The following LRRIQ1 variants were observed in gnomAD, a reference collection of about 807,000 sequenced individuals.
LRRIQ1 encodes leucine rich repeats and IQ motif containing 1.
A neutral mutation model predicts 211.9 loss-of-function variants in LRRIQ1; 210 were observed. That is an observed-to-expected ratio of 0.99 (90% CI 0.89 to 1.11). LRRIQ1 has a LOEUF of 1.11. Among genes scored for constraint, LRRIQ1 ranks in the 50% most tolerant of loss-of-function variants. LRRIQ1 has a pLI of 0.00. For synonymous variants in LRRIQ1, 699 were observed against 650.1 expected, an observed-to-expected ratio of 1.08 and a Z score of -1.14; for missense variants, 2,136 against 1,939.5, an observed-to-expected ratio of 1.10 and a Z score of -1.90.
intron 8 of LRRIQ1, among the ~76,000 whole-genome samples, chr12:85,061,049 T>G (rs1881736085): frequency 6.6e-6 from 1 of 151,876 alleles, no homozygotes. Context: ...TTTCAAATGT[T>G]TTTACATAAT....
chr12:85,086,433 C>T (rs1038157138), intron 11 of LRRIQ1, among the ~76,000 whole-genome samples: 1 of 152,032 alleles, frequency 6.6e-6, no homozygotes, highest in African/African-American at 2.4e-5. Flanking sequence ...TTGTCACTTG[C>T]TCCTGCTTTT....
At chr12:85,092,947 CT>C (rs1885538239) in intron 11 of LRRIQ1, among the ~76,000 whole-genome samples, 1 of 152,156 alleles carries the variant, frequency 6.6e-6, no homozygotes, top group South Asian at 2.1e-4. Flanking sequence ...ACATGTTCCT[CT>C]TTTGGCTAGC....
Position 85,106,582 on chromosome 12 carries a change from C to G in LRRIQ1, c.3344C>G (p.Thr1115Ser), listed in dbSNP as rs1390995626. 6 of 1,612,454 alleles carry G rather than the reference C, an allele frequency of 3.7e-6. No homozygotes were observed. In the East Asian group the frequency reaches 8.9e-5, roughly 24 times the overall value. ...ACYSLHELSL[T>S]GNPLLQETNW... ...TATTCTCTCCATGAATTGTCTCTTACTGGAAACCCACTTCTTCAAGAAACA... is the reference window on the plus strand; with the variant it reads ...TATTCTCTCCATGAATTGTCTCTTAGTGGAAACCCACTTCTTCAAGAAACA... Residue 1115 changes from threonine to serine, a missense_variant, in exon 15 of 27, where the codon ACT becomes AGT. Coordinates refer to ENST00000393217, the MANE Select transcript of LRRIQ1 (RefSeq NM_001079910.2).
intron 19 of LRRIQ1, among the ~76,000 whole-genome samples, chr12:85,140,164 G>A (rs1484053248): frequency 6.6e-6 from 1 of 151,174 alleles, no homozygotes; most frequent in African/African-American, 2.4e-5. Flanking sequence ...CCTTGTTTTT[G>A]AAAATATTGA....
chr12:85,114,429 C>T (rs1452010480), intron 15 of LRRIQ1, among the ~76,000 whole-genome samples: 1 of 152,102 alleles, frequency 6.6e-6, no homozygotes, highest in Non-Finnish European at 1.5e-5. Flanking sequence ...TGCCACATTG[C>T]CAGTTTCAAC....
At chr12:85,123,838 T>C (rs1447774652) in intron 16 of LRRIQ1, among the ~76,000 whole-genome samples, 1 of 152,158 alleles carries the variant, frequency 6.6e-6, no homozygotes, top group Non-Finnish European at 1.5e-5. Context: ...TCCTAAAACT[T>C]CCAGACATTT....
At chr12:85,250,969 A>ATATATAATATATTT (rs1895924426) in intron 1 of LRRIQ1, among the ~76,000 whole-genome samples, 1 of 76,948 alleles carries the variant, frequency 1.3e-5, no homozygotes, top group South Asian at 3.7e-4. Flanking sequence ...ATATTATATT[A>ATATATAATATATTT]TATATATTAT....
chr12:85,039,309 G>A (rs546631422), intron 2 of LRRIQ1, among the ~76,000 whole-genome samples: 1 of 151,062 alleles, frequency 6.6e-6, no homozygotes, highest in Non-Finnish European at 1.5e-5. Context: ...TATTACCAGG[G>A]GAAAAAATTA....
intron 24 of LRRIQ1, among the ~76,000 whole-genome samples, chr12:85,210,383 G>A (rs1006748101): frequency 2.6e-5 from 4 of 152,140 alleles, no homozygotes; most frequent in East Asian, 1.9e-4. Flanking sequence ...GTGTTTCCAC[G>A]CTGCAAAAGG....
intron 24 of LRRIQ1, among the ~76,000 whole-genome samples, chr12:85,174,700 T>TTAAAAAAAAAAAAAAAAAAAAAA (rs1565884602): frequency 8.0e-5 from 1 of 12,462 alleles, no homozygotes; most frequent in Admixed American, 1.0e-3. Flanking sequence ...AGAGTACAGC[T>TTAAAAAAAAAAAAAAAAAAAAAA]CAAAAAAAAA....
intron 15 of LRRIQ1, among the ~76,000 whole-genome samples, chr12:85,119,097 A>G (rs1410210870): frequency 1.3e-5 from 2 of 152,148 alleles, no homozygotes; most frequent in East Asian, 1.9e-4. Context: ...ACGTATAATT[A>G]CATGTATCCA....
At chr12:85,185,434 A>G (rs953135810) in intron 24 of LRRIQ1, among the ~76,000 whole-genome samples, 12 of 151,042 alleles carry the variant, frequency 7.9e-5, no homozygotes, top group African/African-American at 2.4e-4. Context: ...CTGAACAAAA[A>G]GAGAGCCCCT....
chr12:85,182,249 G>T (rs1053590890), intron 24 of LRRIQ1, among the ~76,000 whole-genome samples: 13 of 151,970 alleles, frequency 8.6e-5, no homozygotes, highest in Admixed American at 5.3e-4. Flanking sequence ...TCATCTCTGA[G>T]TTTGAAATAG....
intron 24 of LRRIQ1, among the ~76,000 whole-genome samples, chr12:85,174,462 AAGG>A (rs1891581012): frequency 6.6e-6 from 1 of 151,716 alleles, no homozygotes; most frequent in Admixed American, 6.6e-5. Context: ...TTGGGAGGCC[AAGG>A]TGGGCAGATA....
chr12:85,192,540 AAT>A (rs530480198), intron 24 of LRRIQ1, among the ~76,000 whole-genome samples: 39 of 54,042 alleles, frequency 7.2e-4, no homozygotes, highest in African/African-American at 3.7e-3. Flanking sequence ...ATTATATATA[AAT>A]ATATATAGTT....
rs1431036241 is a variant in LRRIQ1 at position 85,153,017 on chromosome 12, TGAAAAGA to T, written c.4420-6_4420del. On this transcript the variant is annotated splice_acceptor_variant and splice_polypyrimidine_tract_variant and coding_sequence_variant and intron_variant, in exon 21 of 27. Transcript: ENST00000393217. LOFTEE classifies it high-confidence loss of function. ...ACTTCACACTTATTTACTTTTTTTGTGAAAAGATTCCTGGAAACTTAAAATGGGATGA... is the reference window on the plus strand; with the variant it reads ...ACTTCACACTTATTTACTTTTTTTGTTTCCTGGAAACTTAAAATGGGATGA... 1.3e-6 allele frequency: 2 copies of T among 1,537,626 alleles called. No individual in the cohort carries two copies. The highest frequency in any genetic ancestry group is 1.4e-5 in the African/African-American group (1 of 71,944).
intron 11 of LRRIQ1, among the ~76,000 whole-genome samples, chr12:85,083,829 A>G (rs1043736895): frequency 6.6e-6 from 1 of 152,242 alleles, no homozygotes; most frequent in African/African-American, 2.4e-5. Context: ...TGTGTCATCC[A>G]GATACAGCCA....
At chr12:85,147,884 CCAGT>C (rs1465562377) in intron 19 of LRRIQ1, among the ~76,000 whole-genome samples, 1 of 151,764 alleles carries the variant, frequency 6.6e-6, no homozygotes, top group East Asian at 2.0e-4. Flanking sequence ...ACTCTAAGTG[CCAGT>C]CATTTAGTTT....
At chr12:85,149,281 G>A (rs529622136) in intron 19 of LRRIQ1, among the ~76,000 whole-genome samples, 2 of 151,744 alleles carry the variant, frequency 1.3e-5, no homozygotes, top group South Asian at 2.1e-4. Context: ...TTTATGATTC[G>A]AGGTTTCACA....
Sources: gnomAD v4.1 joint callset for allele counts (sites outside exome capture counted in the v4.1 genomes callset) on GRCh38, gnomAD v4.1.1 for gene constraint, MANE v1.5 for transcripts, NCBI Gene and HGNC (gene_info 2026-07-23, HGNC 2026-07-21) for gene names.